The following KLB variants were observed in gnomAD, a reference collection of about 807,000 sequenced individuals.
KLB encodes beta-klotho.
A neutral mutation model predicts 88.4 loss-of-function variants in KLB; 44 were observed. The observed-to-expected ratio is 0.50, with a 90% CI of 0.39 to 0.64. KLB has a LOEUF of 0.64. KLB is among the 30% of genes least tolerant of loss of function. The probability of loss-of-function intolerance (pLI) is 0.00; values close to 1 mark genes in which losing one functional copy is unlikely to be tolerated. For synonymous variants in KLB, 548 were observed against 513.4 expected (o/e 1.07, Z -0.91); for missense variants, 1,137 against 1,304.8 (o/e 0.87, Z 1.98).
chr4:39,446,814 G>C lies in KLB; in HGVS notation c.2088G>C (p.Arg696=). 1 of 1,613,006 alleles carries C rather than the reference G, an allele frequency of 6.2e-7. No individual in the cohort carries two copies. The highest frequency in any genetic ancestry group is 1.3e-5 in the African/African-American group (1 of 75,072). The change falls in exon 4 of 5, where the codon CGG becomes CGC. Residue 696 remains arginine, a synonymous_variant. Transcript: ENST00000257408. This position sits in a 1 kb window ranked among gnomAD's most constrained non-coding sequence, Gnocchi z 6.4. ...GGATCACCATCAACGAGCCTAACCG[G>C]CTAAGTGACATCTACAACCGCTCTG... The part of the protein sequence containing the change: ...KLWITINEPN[R]LSDIYNRSGN...
Position 39,448,260 on chromosome 4 carries a change from T to C in KLB, c.2750-41T>C, listed in dbSNP as rs779672081. 9 of 1,423,330 alleles carry C rather than the reference T, an allele frequency of 6.3e-6. No homozygotes were observed. In the African/African-American group the frequency reaches 7.2e-5, roughly 11 times the overall value. 88.2% of individuals were successfully genotyped at this position (1,423,330 alleles called of 1,614,324 possible). A position where few individuals can be genotyped will look rare whatever the true frequency, so the allele number is the denominator to read the frequency against. On this transcript the variant is annotated intron_variant, in intron 4 of 4. Transcript: ENST00000257408. The stretch of plus-strand genomic sequence containing the variant: ...TAAATTCTTCCTCAAAGATACTTCA[T>C]AGTCCATTTGTGATTAATGTTAATT...
intron 1 of KLB, among the ~76,000 whole-genome samples, chr4:39,419,041 A>C (rs1039275393): frequency 6.6e-6 from 1 of 152,104 alleles, no homozygotes; most frequent in Non-Finnish European, 1.5e-5. Context: ...AAATTATGAA[A>C]ACTGCTTGTG....
intron 1 of KLB, among the ~76,000 whole-genome samples, chr4:39,422,853 CT>C (rs958316482): frequency 5.3e-5 from 8 of 151,918 alleles, no homozygotes; most frequent in African/African-American, 1.9e-4. Flanking sequence ...CCTCCACCTC[CT>C]GGGTTCAAGT....
At position 39,446,321 on chromosome 4, in the gene KLB, GT is replaced by G; in HGVS notation, c.1606-6del. The G allele has an allele frequency of 6.2e-7, 1 of 1,609,068 alleles. No individual in the cohort carries two copies. The highest frequency in any genetic ancestry group is 8.5e-7 in the Non-Finnish European group (1 of 1,177,480). ...GCGCATGCTTGACCTAAATGAGCTT[GT>G]TTTTCACAGCCCGAGTCTGTGGCTT... On this transcript the variant is annotated splice_polypyrimidine_tract_variant and intron_variant, in intron 3 of 4. Transcript: ENST00000257408. This position sits in a 1 kb window ranked among gnomAD's most constrained non-coding sequence, Gnocchi z 6.4.
intron 1 of KLB, among the ~76,000 whole-genome samples, chr4:39,416,970 A>G (rs1018724421): frequency 2.0e-5 from 3 of 151,902 alleles, no homozygotes; most frequent in African/African-American, 7.3e-5. Context: ...CAAATCCCCC[A>G]CCAATGTCTT....
Position 39,437,851 on chromosome 4 carries a change from GA to G in KLB, c.1464del (p.Glu489SerfsTer22). ...TTTATGTGGATTTTAACAGTAAACA[GA>G]AAGAGCGGAAACCTAAGTCTTCAGC... ...LFYVDFNSKQ[K>X]ERKPKSSAHY... On this transcript the variant is annotated frameshift_variant, in exon 3 of 5. Transcript: ENST00000257408. LOFTEE classifies it high-confidence loss of function. 1 of 1,614,210 alleles carries G rather than the reference GA, an allele frequency of 6.2e-7. No homozygotes were observed. The highest frequency in any genetic ancestry group is 1.1e-5 in the South Asian group (1 of 91,084).
intron 1 of KLB, among the ~76,000 whole-genome samples, chr4:39,432,975 G>A (rs766399171): frequency 6.6e-6 from 1 of 151,738 alleles, no homozygotes; most frequent in African/African-American, 2.4e-5. Flanking sequence ...GCCTTCCCGG[G>A]TTCAAGCGAT....
At chr4:39,437,705 C>G in intron 2 of KLB, 22 bp from the exon 3 acceptor site, 1 of 1,587,136 alleles carries the variant, frequency 6.3e-7, no homozygotes, top group Non-Finnish European at 8.6e-7. Context: ...CTGAACATCT[C>G]TGCTTTCTTT....
At chr4:39,441,465 A>G (rs1339550188) in intron 3 of KLB, among the ~76,000 whole-genome samples, 4 of 152,148 alleles carry the variant, frequency 2.6e-5, no homozygotes, top group African/African-American at 9.7e-5. Context: ...GACCCAACCT[A>G]CAAGATCCTG....
intron 3 of KLB, 27 bp downstream of exon 3, chr4:39,438,022 T>C (rs1377433407): frequency 6.3e-7 from 1 of 1,595,262 alleles, no homozygotes; most frequent in African/African-American, 1.3e-5. Context: ...AAATTAACCA[T>C]AAACTGGGAA....
At chr4:39,411,337 ATTTTTT>A (rs35160893) in intron 1 of KLB, among the ~76,000 whole-genome samples, 3 of 103,274 alleles carry the variant, frequency 2.9e-5, no homozygotes, top group South Asian at 3.0e-4. Context: ...TTTTGTTTTG[ATTTTTT>A]TTTTTTTTTT....
chr4:39,445,694 T>G (rs947044732), intron 3 of KLB, among the ~76,000 whole-genome samples: 3 of 150,898 alleles, frequency 2.0e-5, no homozygotes, highest in East Asian at 1.9e-4. Context: ...GTTTTTTTTT[T>G]TTTTTTTAGT....
In KLB at chr4:39,448,379, G is replaced by T; in HGVS notation, c.2828G>T (p.Gly943Val). 6.2e-7 allele frequency: 1 copy of T among 1,613,162 alleles called. No individual in the cohort carries two copies. Among genetic ancestry groups the T allele is most frequent in the Non-Finnish European group, 8.5e-7 (1 of 1,179,126 alleles). Residue 943 changes from glycine to valine, a missense_variant, in exon 5 of 5, where the codon GGA becomes GTA. Physicochemically the swap from Gly to Val is moderately radical, Grantham distance 109. Coordinates refer to ENST00000257408, the MANE Select transcript of KLB (RefSeq NM_175737.4). ...GAAGAGAAATCTAAACCCAGATTTG[G>T]ATTCTTCACATCTGATTTTAAAGCT... ...LAEEKSKPRF[G>V]FFTSDFKAKS...
chr4:39,445,547 G>T (rs1414245068), intron 3 of KLB, among the ~76,000 whole-genome samples: 2 of 141,744 alleles, frequency 1.4e-5, no homozygotes, highest in Admixed American at 1.5e-4. Flanking sequence ...TCTTGTTGCC[G>T]AGGCTGGAGT....
chr4:39,439,204 G>A (rs139565360), intron 3 of KLB, among the ~76,000 whole-genome samples: 9 of 151,932 alleles, frequency 5.9e-5, no homozygotes, highest in Non-Finnish European at 1.2e-4. Flanking sequence ...TTACTATGTT[G>A]CCCAGACTGG....
At chr4:39,423,357 A>G (rs1743130530) in intron 1 of KLB, among the ~76,000 whole-genome samples, 1 of 151,880 alleles carries the variant, frequency 6.6e-6, no homozygotes, top group Non-Finnish European at 1.5e-5. Flanking sequence ...AGGTATATAG[A>G]TATTTTTCTC....
intron 1 of KLB, among the ~76,000 whole-genome samples, chr4:39,430,101 T>G (rs1280153455): frequency 8.5e-5 from 13 of 152,266 alleles, no homozygotes; most frequent in Non-Finnish European, 1.8e-4. Flanking sequence ...CAAAGGCTGA[T>G]GTAACCAAGA....
In KLB at chr4:39,409,397, ATT is replaced by A. The variant is rs1041813732; in HGVS notation, c.825+1624_825+1625del. Among the ~76,000 whole-genome samples, 61 of 151,264 alleles carry A rather than the reference ATT, an allele frequency of 4.0e-4. 2 individuals are homozygous for A. Among genetic ancestry groups the A allele is most frequent in the Admixed American group, 4.6e-4 (7 of 15,156 alleles). ...AATCTCCACCTCCCAGGTTCAAGCAATTCTCCTGCCTCAGCCTCTTGAGTAAC... is the reference window on the plus strand; with the variant it reads ...AATCTCCACCTCCCAGGTTCAAGCAACTCCTGCCTCAGCCTCTTGAGTAAC... On this transcript the variant is annotated intron_variant, in intron 1 of 4. Coordinates refer to ENST00000257408, the MANE Select transcript of KLB (RefSeq NM_175737.4).
At chr4:39,407,918 TTAAG>T in intron 1 of KLB, 144 bp downstream of exon 1, 1 of 541,742 alleles carries the variant, frequency 1.8e-6, no homozygotes, top group Non-Finnish European at 3.2e-6. Context: ...AATTTTGCAT[TTAAG>T]TTAGTGTATG....
Sources: gnomAD v4.1 joint callset for allele counts (sites outside exome capture counted in the v4.1 genomes callset) on GRCh38, gnomAD v4.1.1 for gene constraint, Gnocchi (gnomAD v3.1) non-coding constraint, MANE v1.5 for transcripts, NCBI Gene and HGNC (gene_info 2026-07-23, HGNC 2026-07-21) for gene names.